The following PRELID2 variants were observed in gnomAD, a reference collection of about 807,000 sequenced individuals.
PRELID2 encodes the protein PRELI domain containing 2.
A neutral mutation model predicts 28.4 loss-of-function variants in PRELID2; 25 were observed. That is an observed-to-expected ratio of 0.88 (90% CI 0.64 to 1.23). The LOEUF is 1.23. PRELID2 is among the 50% of genes most tolerant of loss of function. The pLI is 0.00. For missense variants in PRELID2, 201 were observed against 214.4 expected (o/e 0.94, Z 0.39); for synonymous variants, 76 against 71.6 (o/e 1.06, Z -0.31).
rs1454228573 is a variant in PRELID2, at chr5:145,741,357, AATTT to A, written n.70+23570_70+23573del. ...ATATAAATAAAATTTATTAATAAATAATTTATTTATATATAAATTTTATTTATAA... is the reference window on the plus strand; with the variant it reads ...ATATAAATAAAATTTATTAATAAATAATTTATATATAAATTTTATTTATAA... On this transcript the variant is annotated intron_variant and non_coding_transcript_variant, in intron 1 of 2. Transcript: ENST00000510259. 5.4e-3 allele frequency among the ~76,000 whole-genome samples: 636 copies of A among 116,724 alleles called. 14 individuals are homozygous for A. Among genetic ancestry groups the A allele is most frequent in the African/African-American group, 0.021 (584 of 28,420 alleles). 76.6% of individuals were successfully genotyped at this position (116,724 alleles called of 152,430 possible).
At chr5:145,276,644 G>T in the PRELID2 span, among the ~76,000 whole-genome samples, 4 of 152,008 alleles carry the variant, frequency 2.6e-5, no homozygotes, top group African/African-American at 9.7e-5. Flanking sequence ...TGTTTATAAA[G>T]AATTATGTGA....
At chr5:145,763,522 C>T (rs935615089) in intron 6 of PRELID2, among the ~76,000 whole-genome samples, 1 of 152,152 alleles carries the variant, frequency 6.6e-6, no homozygotes, top group Non-Finnish European at 1.5e-5. Context: ...AGCAGAAAGA[C>T]TTTACAATTC....
At chr5:145,742,194 A>AT (rs1561569233) in intron 1 of PRELID2, among the ~76,000 whole-genome samples, 8 of 40,704 alleles carry the variant, frequency 2.0e-4, no homozygotes, top group Non-Finnish European at 3.4e-4. Context: ...ATATATAAAT[A>AT]ATAATATATA....
the PRELID2 span, among the ~76,000 whole-genome samples, chr5:145,353,162 A>G: frequency 6.6e-6 from 1 of 152,176 alleles, no homozygotes; most frequent in Non-Finnish European, 1.5e-5. Context: ...ATGCTGCTAT[A>G]AAGAAATACC....
chr5:145,321,296 C>G, the PRELID2 span, among the ~76,000 whole-genome samples: 1 of 152,102 alleles, frequency 6.6e-6, no homozygotes, highest in East Asian at 1.9e-4. Flanking sequence ...AATGAGAAAA[C>G]AGTTTTATAG....
chr5:145,424,678 G>A, the PRELID2 span, among the ~76,000 whole-genome samples: 20 of 152,188 alleles, frequency 1.3e-4, no homozygotes, highest in South Asian at 1.0e-3. Flanking sequence ...GAAATCACCC[G>A]TCTTCTGTGT....
At chr5:145,345,563 A>G in the PRELID2 span, among the ~76,000 whole-genome samples, 1 of 152,114 alleles carries the variant, frequency 6.6e-6, no homozygotes, top group African/African-American at 2.4e-5. Context: ...ATCTTAGCTT[A>G]TAATATCCAA....
At chr5:145,335,967 A>G in the PRELID2 span, among the ~76,000 whole-genome samples, 1 of 152,170 alleles carries the variant, frequency 6.6e-6, no homozygotes, top group South Asian at 2.1e-4. Flanking sequence ...TTGCCGTTCT[A>G]ACTGGTGTGA....
chr5:145,352,416 C>T, the PRELID2 span, among the ~76,000 whole-genome samples: 1 of 152,144 alleles, frequency 6.6e-6, no homozygotes, highest in Non-Finnish European at 1.5e-5. Context: ...TGTACATTGG[C>T]CCTTTTTATC....
the PRELID2 span, among the ~76,000 whole-genome samples, chr5:145,244,207 A>T: frequency 1.3e-5 from 2 of 151,964 alleles, no homozygotes; most frequent in African/African-American, 4.8e-5. Context: ...CACCCACCTT[A>T]GCCTCCCAAA....
At chr5:145,411,887 C>T in the PRELID2 span, among the ~76,000 whole-genome samples, 1 of 152,182 alleles carries the variant, frequency 6.6e-6, no homozygotes, top group African/African-American at 2.4e-5. Flanking sequence ...AGGCTCAATA[C>T]CACGTGGAAG....
At chr5:145,765,853 C>T (rs192894813) in intron 5 of PRELID2, among the ~76,000 whole-genome samples, 15 of 152,196 alleles carry the variant, frequency 9.9e-5, no homozygotes, top group Admixed American at 7.2e-4. Context: ...ATTTTACTGA[C>T]GAGGAAACAG....
At chr5:145,778,284 C>G (rs1038974407) in intron 5 of PRELID2, among the ~76,000 whole-genome samples, 4 of 152,080 alleles carry the variant, frequency 2.6e-5, no homozygotes, top group Non-Finnish European at 5.9e-5. Context: ...ACTCCAGAGC[C>G]TCCTCTCTGC....
chr5:145,455,494 G>A, the PRELID2 span, among the ~76,000 whole-genome samples: 1 of 152,188 alleles, frequency 6.6e-6, no homozygotes, highest in Non-Finnish European at 1.5e-5. Context: ...GTCAATGGTA[G>A]CTTGGTGGGG....
At chr5:145,275,988 C>T in the PRELID2 span, among the ~76,000 whole-genome samples, 3 of 152,118 alleles carry the variant, frequency 2.0e-5, no homozygotes, top group African/African-American at 7.2e-5. Context: ...GTTTCTGACA[C>T]AAAGTAGCAT....
the PRELID2 span, among the ~76,000 whole-genome samples, chr5:145,451,559 G>T: frequency 1.3e-5 from 2 of 152,034 alleles, no homozygotes; most frequent in Non-Finnish European, 2.9e-5. Context: ...ATCCTCCAGG[G>T]TGCTTCATTC....
At chr5:145,288,054 T>A in the PRELID2 span, among the ~76,000 whole-genome samples, 1 of 152,134 alleles carries the variant, frequency 6.6e-6, no homozygotes, top group East Asian at 1.9e-4. Flanking sequence ...ATATCCAGAG[T>A]ATATGCTGTT....
the PRELID2 span, among the ~76,000 whole-genome samples, chr5:145,339,273 T>G: frequency 6.6e-6 from 1 of 152,176 alleles, no homozygotes; most frequent in South Asian, 2.1e-4. Context: ...CAGACAGCAC[T>G]GAAAGCAAGT....
chr5:145,595,161 G>GACAC (rs3038287), intron 1 of PRELID2, among the ~76,000 whole-genome samples: 15,348 of 130,974 alleles, frequency 0.12, 939 homozygotes, highest in East Asian at 0.16. Context: ...AGTCATAATA[G>GACAC]ACACACACAC....
Sources: gnomAD v4.1 joint callset for allele counts (sites outside exome capture counted in the v4.1 genomes callset) on GRCh38, gnomAD v4.1.1 for gene constraint, MANE v1.5 for transcripts, NCBI Gene and HGNC (gene_info 2026-07-23, HGNC 2026-07-21) for gene names.